The following PARD3B variants were observed in gnomAD, a reference collection of about 807,000 sequenced individuals.
The protein encoded by PARD3B is par-3 family cell polarity regulator beta, also known as partitioning defective 3 homolog B.
Under a neutral mutation model 130.2 loss-of-function variants are expected in PARD3B, and 103 were observed. The ratio of observed to expected loss-of-function variants is 0.79; its 90% CI spans 0.67 to 0.93. PARD3B has a LOEUF of 0.93. PARD3B is among the 40% of genes least tolerant of loss of function. The pLI is 0.00. For missense variants in PARD3B, 1,609 were observed against 1,499.2 expected, an observed-to-expected ratio of 1.07 and a Z score of -1.21; for synonymous variants, 583 against 553.2, an observed-to-expected ratio of 1.05 and a Z score of -0.76.
chr2:204,723,546 T>C (rs1177139917), intron 2 of PARD3B, among the ~76,000 whole-genome samples: 2 of 152,338 alleles, frequency 1.3e-5, no homozygotes, highest in East Asian at 3.9e-4. Flanking sequence ...TTATATGTTT[T>C]GAAGGGAGTT....
intron 18 of PARD3B, among the ~76,000 whole-genome samples, chr2:205,356,890 CAA>C (rs33968644): frequency 1.8e-4 from 24 of 131,320 alleles, no homozygotes; most frequent in African/African-American, 4.9e-4. Flanking sequence ...GACTCTGTCT[CAA>C]AAAAAAAAAA....
chr2:205,367,187 G>T (rs2044641806), intron 18 of PARD3B, among the ~76,000 whole-genome samples: 1 of 152,188 alleles, frequency 6.6e-6, no homozygotes, highest in East Asian at 1.9e-4. Context: ...TAAATGATTT[G>T]TAAATTAATC....
At chr2:204,604,326 G>C (rs1181044650) in intron 1 of PARD3B, among the ~76,000 whole-genome samples, 1 of 152,058 alleles carries the variant, frequency 6.6e-6, no homozygotes, top group African/African-American at 2.4e-5. Flanking sequence ...CTTGGTATCA[G>C]AAAAAAGGTT....
At chr2:205,016,909 C>G (rs1050428037) in intron 3 of PARD3B, among the ~76,000 whole-genome samples, 1 of 152,112 alleles carries the variant, frequency 6.6e-6, no homozygotes, top group Non-Finnish European at 1.5e-5. Context: ...TTAAATAAAA[C>G]TTGTATATGG....
At position 205,237,820 on chromosome 2, in the gene PARD3B, T is replaced by C. The variant is rs115821918; in HGVS notation, c.2141-7958T>C. The stretch of plus-strand genomic sequence containing the variant: ...CATTTCTAAAGTTCATTACTCAAAA[T>C]ACAAGTGAATTATATTTATTCCAAA... On this transcript the variant is annotated intron_variant, in intron 15 of 22. Coordinates refer to ENST00000406610, the MANE Select transcript of PARD3B (RefSeq NM_001302769.2). Among the ~76,000 whole-genome samples, 28 of 152,238 alleles carry C rather than the reference T, an allele frequency of 1.8e-4. 1 individual carries two copies. The highest frequency in any genetic ancestry group is 6.7e-4 in the African/African-American group (28 of 41,510).
chr2:204,671,225 AC>A (rs1310707305), intron 1 of PARD3B, among the ~76,000 whole-genome samples: 3 of 151,650 alleles, frequency 2.0e-5, no homozygotes, highest in Non-Finnish European at 4.4e-5. Flanking sequence ...TTGGCATGTG[AC>A]CCCCAGTCTT....
intron 21 of PARD3B, among the ~76,000 whole-genome samples, chr2:205,541,900 T>G (rs957614013): frequency 9.2e-5 from 14 of 151,750 alleles, no homozygotes; most frequent in African/African-American, 3.1e-4. Context: ...TCCCAGCACT[T>G]TGGGAGGCCG....
intron 2 of PARD3B, among the ~76,000 whole-genome samples, chr2:204,901,628 C>T (rs1459635379): frequency 6.6e-6 from 1 of 151,736 alleles, no homozygotes; most frequent in African/African-American, 2.4e-5. Context: ...ACAAAGTCCC[C>T]TTTGCTATTC....
chr2:205,563,196 CA>C lies in PARD3B; in HGVS notation c.3260+9794del, dbSNP rs2053198718. On this transcript the variant is annotated intron_variant, in intron 22 of 22. Coordinates refer to ENST00000406610, the MANE Select transcript of PARD3B (RefSeq NM_001302769.2). The surrounding 1 kb of genome is among the most constrained non-coding windows in gnomAD (Gnocchi z 4.2). ...TGCATGCAAATTGTTTCAAAGATGT[CA>C]TGTTTATTCCTAAACTAGTTGATTG... Among the ~76,000 whole-genome samples the C allele has an allele frequency of 6.6e-6, 1 of 152,156 alleles. No individual in the cohort carries two copies. The highest frequency in any genetic ancestry group is 1.5e-5 in the Non-Finnish European group (1 of 68,034).
At chr2:205,359,776 T>C (rs2044322889) in intron 18 of PARD3B, among the ~76,000 whole-genome samples, 1 of 152,258 alleles carries the variant, frequency 6.6e-6, no homozygotes, top group East Asian at 1.9e-4. Context: ...TATATGGACA[T>C]CTGCTTAGCT....
intron 2 of PARD3B, among the ~76,000 whole-genome samples, chr2:204,917,089 G>A (rs891061384): frequency 1.3e-5 from 2 of 152,202 alleles, no homozygotes; most frequent in Non-Finnish European, 2.9e-5. Context: ...GAAATATGGA[G>A]TAGAGAGGGA....
At chr2:205,071,606 A>G (rs1245144840) in intron 4 of PARD3B, among the ~76,000 whole-genome samples, 5 of 152,218 alleles carry the variant, frequency 3.3e-5, no homozygotes, top group Non-Finnish European at 2.9e-5. Flanking sequence ...TCTACAATGT[A>G]AATGTTTTTA....
chr2:205,238,849 AATAT>A (rs66692400), intron 15 of PARD3B, among the ~76,000 whole-genome samples: 144 of 76,822 alleles, frequency 1.9e-3, no homozygotes, highest in Middle Eastern at 9.3e-3. Flanking sequence ...AAAAAAAAAA[AATAT>A]ATATATATAT....
intron 2 of PARD3B, among the ~76,000 whole-genome samples, chr2:204,708,225 G>C (rs1310276583): frequency 6.6e-6 from 1 of 152,004 alleles, no homozygotes; most frequent in African/African-American, 2.4e-5. Flanking sequence ...GCCCAGGCTG[G>C]TCTCAACTCC....
intron 2 of PARD3B, among the ~76,000 whole-genome samples, chr2:204,765,235 G>C (rs2041092309): frequency 6.6e-6 from 1 of 152,210 alleles, no homozygotes; most frequent in African/African-American, 2.4e-5. Context: ...TATCACCTGA[G>C]AGGTTGTTTG....
At chr2:205,201,114 G>A (rs1370174114) in intron 15 of PARD3B, among the ~76,000 whole-genome samples, 1 of 152,134 alleles carries the variant, frequency 6.6e-6, no homozygotes, top group Non-Finnish European at 1.5e-5. Context: ...TTGGTGAGAG[G>A]CCTAGAAACC....
chr2:204,862,511 G>C (rs184871185), intron 2 of PARD3B, among the ~76,000 whole-genome samples: 1 of 152,258 alleles, frequency 6.6e-6, no homozygotes, highest in East Asian at 1.9e-4. Flanking sequence ...GGACTCCTTT[G>C]CCTTTTAGTA....
intron 2 of PARD3B, among the ~76,000 whole-genome samples, chr2:204,727,783 A>C (rs1298195988): frequency 6.6e-6 from 1 of 152,176 alleles, no homozygotes; most frequent in Non-Finnish European, 1.5e-5. Context: ...TCATGTGTTC[A>C]AAAAATGGCA....
At chr2:204,697,064 A>C (rs529276215) in intron 2 of PARD3B, among the ~76,000 whole-genome samples, 13 of 152,122 alleles carry the variant, frequency 8.5e-5, no homozygotes, top group Non-Finnish European at 1.9e-4. Flanking sequence ...ATAGCCTAAC[A>C]ATCTTAAATA....
Sources: gnomAD v4.1 joint callset for allele counts (sites outside exome capture counted in the v4.1 genomes callset) on GRCh38, gnomAD v4.1.1 for gene constraint, Gnocchi (gnomAD v3.1) non-coding constraint, MANE v1.5 for transcripts, NCBI Gene and HGNC (gene_info 2026-07-23, HGNC 2026-07-21) for gene names.